Variants in CLDN14 observed in about 807,000 individuals in gnomAD.
The protein encoded by CLDN14 is claudin 14.
CLDN14 carries 2 observed loss-of-function variants against 2.1 expected under a neutral mutation model. The ratio of observed to expected loss-of-function variants is 0.96; its 90% CI spans 0.39 to 3.01. CLDN14 has a LOEUF of 3.01. Ranked by LOEUF, CLDN14 falls within the 30% of genes most tolerant of loss-of-function variation. CLDN14 has a pLI of 0.09. For synonymous variants in CLDN14, 136 were observed against 154.4 expected (o/e 0.88, Z 0.88); for missense variants, 298 against 328.0 (o/e 0.91, Z 0.71).
intron 1 of CLDN14, among the ~76,000 whole-genome samples, chr21:36,540,109 A>C (rs927665676): frequency 2.7e-5 from 4 of 149,570 alleles, no homozygotes; most frequent in African/African-American, 9.9e-5. Flanking sequence ...GTGTGAAGTG[A>C]GTGTGTGTGG....
chr21:36,568,073 A>C (rs2087685468), intron 1 of CLDN14, among the ~76,000 whole-genome samples: 1 of 152,150 alleles, frequency 6.6e-6, no homozygotes, highest in Non-Finnish European at 1.5e-5. Flanking sequence ...GCGCTCTGGG[A>C]TGAGAGGGCC....
chr21:36,466,006 A>G (rs2086641004), intron 1 of CLDN14, among the ~76,000 whole-genome samples: 1 of 152,164 alleles, frequency 6.6e-6, no homozygotes, highest in Admixed American at 6.5e-5. Flanking sequence ...GAGTTTCCCA[A>G]CGACAGCATC....
intron 1 of CLDN14, among the ~76,000 whole-genome samples, chr21:36,512,627 C>T (rs184268431): frequency 6.6e-6 from 1 of 152,328 alleles, no homozygotes; most frequent in East Asian, 1.9e-4. Flanking sequence ...AGTAGCAGAA[C>T]AAGACACCAT....
rs781750002 is a variant in CLDN14 at position 36,486,202 on chromosome 21, T to G, written c.-82+24161A>C. 201 of 973,428 alleles carry G rather than the reference T, an allele frequency of 2.1e-4. No individual in the cohort carries two copies. In the African/African-American group the frequency reaches 2.8e-3, roughly 14 times the overall value. The allele number at this position is 973,428 out of a possible 1,614,324, so 60.3% of individuals were successfully genotyped here. The stretch of plus-strand genomic sequence containing the variant: ...TGGCTGAGCTGGCATCAATGTCTAC[T>G]GATTCCGCCTGGCCAAACTCTGCTC... On this transcript the variant is annotated intron_variant, in intron 2 of 2. Coordinates refer to the CLDN14 transcript ENST00000342108.
At chr21:36,485,940 A>C in intron 2 of CLDN14, 2 of 1,176,678 alleles carry the variant, frequency 1.7e-6, no homozygotes, top group Non-Finnish European at 1.2e-6. Context: ...TCTGCGTCCC[A>C]TGCAGTCCCC....
intron 1 of CLDN14, among the ~76,000 whole-genome samples, chr21:36,539,383 T>C (rs8133599): frequency 6.1e-5 from 7 of 114,724 alleles, no homozygotes; most frequent in East Asian, 2.5e-4. Flanking sequence ...TGAGTGTGTG[T>C]GGAGTGAGTG....
rs143142143 is a variant in CLDN14, at chr21:36,522,831, G to A, written c.-219-12331C>T. On this transcript the variant is annotated intron_variant, in intron 1 of 2. Transcript: ENST00000342108. ...CCATTTTAATTATCCGCTGGGTCTCGGTGACTAAGTCATGAGTAGGGAGGA... is the reference window on the plus strand; with the variant it reads ...CCATTTTAATTATCCGCTGGGTCTCAGTGACTAAGTCATGAGTAGGGAGGA... Among the ~76,000 whole-genome samples, 801 of 152,156 alleles carry A rather than the reference G, an allele frequency of 5.3e-3. 6 individuals carry two copies. The highest frequency in any genetic ancestry group is 0.02 in the South Asian group (96 of 4,792).
intron 1 of CLDN14, among the ~76,000 whole-genome samples, chr21:36,525,250 T>C (rs2087314806): frequency 6.6e-6 from 1 of 151,462 alleles, no homozygotes; most frequent in Admixed American, 6.6e-5. Flanking sequence ...GTGCACAGAA[T>C]GAGGGGGTGT....
intron 1 of CLDN14, among the ~76,000 whole-genome samples, chr21:36,472,906 A>G (rs2086728692): frequency 1.3e-5 from 2 of 152,154 alleles, no homozygotes; most frequent in Non-Finnish European, 2.9e-5. Context: ...ATACTATCAC[A>G]TCGGGGCTTA....
chr21:36,486,398 G>A (rs1172137998), intron 2 of CLDN14: 2 of 1,103,904 alleles, frequency 1.8e-6, no homozygotes, highest in East Asian at 4.7e-5. Flanking sequence ...CTGCTCGTCT[G>A]GGCTCCTCAT....
chr21:36,472,656 G>C (rs2146434839), intron 1 of CLDN14, among the ~76,000 whole-genome samples: 1 of 152,296 alleles, frequency 6.6e-6, no homozygotes, highest in South Asian at 2.1e-4. Flanking sequence ...AAATACCACA[G>C]ACTTGCTGGA....
chr21:36,501,533 T>C (rs2087092533), intron 2 of CLDN14, among the ~76,000 whole-genome samples: 1 of 151,936 alleles, frequency 6.6e-6, no homozygotes, highest in African/African-American at 2.4e-5. Flanking sequence ...CCTGAGACTA[T>C]GAAACTGAAC....
chr21:36,538,918 A>T (rs886134829), intron 1 of CLDN14, among the ~76,000 whole-genome samples: 45 of 152,186 alleles, frequency 3.0e-4, no homozygotes, highest in African/African-American at 1.0e-3. Context: ...CACCAGGTCA[A>T]GGCTGCAGGA....
At chr21:36,475,901 A>G (rs1032117953) in intron 1 of CLDN14, among the ~76,000 whole-genome samples, 1 of 152,010 alleles carries the variant, frequency 6.6e-6, no homozygotes, top group South Asian at 2.1e-4. Context: ...CAAACTCCCG[A>G]CTTCAAATGA....
chr21:36,499,199 A>G lies in CLDN14; in HGVS notation c.-82+11164T>C, dbSNP rs2087069777. ...GCAATGAACCCCGCAACTGCGGGAA[A>G]CTGACCTTCAGCACTTTGATGTGAA... On this transcript the variant is annotated intron_variant, in intron 2 of 2. Transcript: ENST00000342108. This position sits in a 1 kb window ranked among gnomAD's most constrained non-coding sequence, Gnocchi z 4.7. Among the ~76,000 whole-genome samples the G allele has an allele frequency of 6.6e-6, 1 of 152,188 alleles. No homozygotes were observed. Among genetic ancestry groups the G allele is most frequent in the Admixed American group, 6.5e-5 (1 of 15,278 alleles).
chr21:36,475,288 C>A (rs1395022216), intron 1 of CLDN14, among the ~76,000 whole-genome samples: 1 of 152,150 alleles, frequency 6.6e-6, no homozygotes, highest in Admixed American at 6.5e-5. Context: ...AACATCATGG[C>A]GGGCCGTGGC....
rs144943328 is a variant in CLDN14, at chr21:36,490,290, A to C, written c.-82+20073T>G. Among the ~76,000 whole-genome samples, 1,293 of 152,060 alleles carry C rather than the reference A, an allele frequency of 8.5e-3. 22 individuals are homozygous for C. The highest frequency in any genetic ancestry group is 0.029 in the African/African-American group (1,216 of 41,480). ...TCGACCGTGGGTCACCGCAGCCTTG[A>C]GCTCCTGGGCTTAAGAGATCCTCCT... On this transcript the variant is annotated intron_variant, in intron 2 of 2. Coordinates refer to the CLDN14 transcript ENST00000342108.
chr21:36,465,049 G>T (rs1351679100), intron 1 of CLDN14, among the ~76,000 whole-genome samples: 1 of 152,132 alleles, frequency 6.6e-6, no homozygotes, highest in Non-Finnish European at 1.5e-5. Context: ...CTGAGGGGTT[G>T]CCCAGGACAG....
chr21:36,529,259 A>T (rs2087359982), intron 1 of CLDN14, among the ~76,000 whole-genome samples: 1 of 151,878 alleles, frequency 6.6e-6, no homozygotes, highest in Non-Finnish European at 1.5e-5. Flanking sequence ...GTCCTTTCAT[A>T]CCCACCTCCT....
Sources: allele counts gnomAD v4.1 joint callset (sites outside exome capture counted in the v4.1 genomes callset), GRCh38; gene constraint gnomAD v4.1.1; non-coding constraint Gnocchi (gnomAD v3.1); transcripts MANE v1.5; gene names NCBI Gene and HGNC (gene_info 2026-07-23, HGNC 2026-07-21).